TCF12: variants seen among roughly 807,000 people sequenced by gnomAD.
TCF12 encodes the protein transcription factor 12.
A neutral mutation model predicts 86.0 loss-of-function variants in TCF12; 45 were observed. The ratio of observed to expected loss-of-function variants is 0.52; its 90% CI spans 0.41 to 0.67. TCF12 has a LOEUF of 0.67. Among genes scored for constraint, TCF12 ranks in the 30% least tolerant of loss-of-function variants. The pLI is 0.00. For synonymous variants in TCF12, 330 were observed against 299.6 expected, an observed-to-expected ratio of 1.10 and a Z score of -1.05; for missense variants, 881 against 859.9, an observed-to-expected ratio of 1.02 and a Z score of -0.31.
intron 3 of TCF12, among the ~76,000 whole-genome samples, chr15:57,061,920 A>C (rs80075618): frequency 6.6e-6 from 1 of 151,670 alleles, no homozygotes; most frequent in Non-Finnish European, 1.5e-5. Context: ...AAGATAGCTC[A>C]CTGGTGTCTA....
chr15:57,126,984 C>CTT (rs11361012), intron 5 of TCF12, among the ~76,000 whole-genome samples: 4 of 137,550 alleles, frequency 2.9e-5, no homozygotes, highest in African/African-American at 5.2e-5. Flanking sequence ...TTTTTCTTTT[C>CTT]TTTTTTTTTT....
At chr15:57,180,805 A>ATTTTTTT (rs1567578539) in intron 6 of TCF12, among the ~76,000 whole-genome samples, 1 of 107,702 alleles carries the variant, frequency 9.3e-6, no homozygotes, top group Admixed American at 1.1e-4. Flanking sequence ...TGATGCTAAT[A>ATTTTTTT]ATTTTTTTTT....
intron 3 of TCF12, among the ~76,000 whole-genome samples, chr15:56,966,280 A>C (rs560544273): frequency 1.3e-5 from 2 of 152,036 alleles, no homozygotes; most frequent in Admixed American, 6.6e-5. Flanking sequence ...TTTGCCATTA[A>C]TTTCAATGGC....
intron 5 of TCF12, among the ~76,000 whole-genome samples, chr15:57,126,583 A>G (rs970212902): frequency 1.3e-5 from 2 of 152,168 alleles, no homozygotes; most frequent in South Asian, 4.1e-4. Context: ...GAAGTTAAAT[A>G]TGTTTCTCTG....
intron 18 of TCF12, among the ~76,000 whole-genome samples, chr15:57,265,467 G>T: frequency 6.6e-6 from 1 of 152,094 alleles, no homozygotes. Context: ...CTGAGCTGCT[G>T]GGATAGGCTG....
chr15:57,181,308 T>G (rs2056335104), intron 6 of TCF12, among the ~76,000 whole-genome samples: 1 of 152,080 alleles, frequency 6.6e-6, no homozygotes, highest in South Asian at 2.1e-4. Flanking sequence ...CCGACTGACC[T>G]CAAACTCCGA....
chr15:56,941,687 T>TC (rs202223571), intron 3 of TCF12, among the ~76,000 whole-genome samples: 26,226 of 145,956 alleles, frequency 0.18, 2,668 homozygotes, highest in Non-Finnish European at 0.24. Flanking sequence ...TTCTTCTTCT[T>TC]TTTTTTTTTT....
rs536999817 is a variant in TCF12 at position 57,113,122 on chromosome 15, C to T, written c.325+21231C>T. 8.5e-5 allele frequency among the ~76,000 whole-genome samples: 13 copies of T among 152,140 alleles called. No homozygotes were observed. The East Asian group carries it at 2.5e-3, about 29-fold the overall frequency. On this transcript the variant is annotated intron_variant, in intron 5 of 20. Coordinates refer to ENST00000333725, the MANE Select transcript of TCF12 (RefSeq NM_207037.2). ...TCTGGCTCAAGCTTTGTTTTTTTCT[C>T]ATCTTCATCTCTACCAAGTATCCCA...
intron 5 of TCF12, among the ~76,000 whole-genome samples, chr15:57,155,088 G>T (rs1424722070): frequency 1.3e-5 from 2 of 152,272 alleles, no homozygotes; most frequent in East Asian, 3.9e-4. Context: ...AACAAAGTGG[G>T]AATTTAAACC....
At chr15:57,223,656 T>TA (rs1323132779) in intron 8 of TCF12, among the ~76,000 whole-genome samples, 4 of 104,108 alleles carry the variant, frequency 3.8e-5, no homozygotes, top group Non-Finnish European at 9.3e-5. Flanking sequence ...TTTTTTTTTT[T>TA]TTTTTTTTTT....
At chr15:57,072,777 T>C in intron 4 of TCF12, 4 of 1,116,694 alleles carry the variant, frequency 3.6e-6, no homozygotes, top group Non-Finnish European at 4.7e-6. Flanking sequence ...ATGTAACTGC[T>C]CCTTCTGAAT....
intron 4 of TCF12, among the ~76,000 whole-genome samples, chr15:57,071,300 T>C (rs1440900229): frequency 1.3e-5 from 2 of 151,332 alleles, no homozygotes. Flanking sequence ...TGGTCCGAGC[T>C]ACTCAGGAGG....
chr15:57,086,235 T>G (rs1407109064), intron 4 of TCF12, among the ~76,000 whole-genome samples: 1 of 148,922 alleles, frequency 6.7e-6, no homozygotes, highest in Non-Finnish European at 1.5e-5. Context: ...ATAATAATAA[T>G]AATAATATAA....
At chr15:57,126,150 A>T (rs2051633934) in intron 5 of TCF12, among the ~76,000 whole-genome samples, 1 of 152,172 alleles carries the variant, frequency 6.6e-6, no homozygotes, top group African/African-American at 2.4e-5. Flanking sequence ...CTGAGATGAG[A>T]GGATCAGTTG....
At chr15:57,087,800 G>A (rs1410013894) in intron 4 of TCF12, among the ~76,000 whole-genome samples, 1 of 152,064 alleles carries the variant, frequency 6.6e-6, no homozygotes, top group African/African-American at 2.4e-5. Context: ...GGTTGTATTT[G>A]GAAATATTTT....
At chr15:57,113,774 T>C (rs1317526274) in intron 5 of TCF12, among the ~76,000 whole-genome samples, 2 of 69,660 alleles carry the variant, frequency 2.9e-5, no homozygotes, top group African/African-American at 5.3e-5. Flanking sequence ...AGCTCGTCTC[T>C]ACTTAAAAAA....
At chr15:57,142,924 G>T (rs917805466) in intron 5 of TCF12, among the ~76,000 whole-genome samples, 7 of 152,048 alleles carry the variant, frequency 4.6e-5, no homozygotes, top group Admixed American at 1.3e-4. Context: ...GAAAGTTGAC[G>T]AGAATGAATA....
chr15:57,249,258 T>A (rs1413491470), intron 13 of TCF12, among the ~76,000 whole-genome samples: 1 of 152,184 alleles, frequency 6.6e-6, no homozygotes, highest in Non-Finnish European at 1.5e-5. Flanking sequence ...GTTGATTAAT[T>A]CTGCCTTTTA....
At chr15:57,101,457 G>A (rs2049743665) in intron 5 of TCF12, among the ~76,000 whole-genome samples, 1 of 152,162 alleles carries the variant, frequency 6.6e-6, no homozygotes, top group South Asian at 2.1e-4. Context: ...CGATCCTCCA[G>A]GCTTGGCCTC....
Sources: gnomAD v4.1 joint callset for allele counts (sites outside exome capture counted in the v4.1 genomes callset) on GRCh38, gnomAD v4.1.1 for gene constraint, MANE v1.5 for transcripts, NCBI Gene and HGNC (gene_info 2026-07-23, HGNC 2026-07-21) for gene names.